ARHGAP32: variants seen among roughly 807,000 people sequenced by gnomAD.
The protein encoded by ARHGAP32 is Rho GTPase activating protein 32.
A neutral mutation model predicts 186.5 loss-of-function variants in ARHGAP32; 51 were observed. The ratio of observed to expected loss-of-function variants is 0.27; its 90% CI spans 0.22 to 0.35. The LOEUF is 0.35. ARHGAP32 is among the 10% of genes least tolerant of loss of function. The probability of loss-of-function intolerance (pLI) is 1.00; values close to 1 mark genes in which losing one functional copy is unlikely to be tolerated. For synonymous variants in ARHGAP32, 950 were observed against 964.3 expected (o/e 0.99, Z 0.27); for missense variants, 2,186 against 2,623.5 (o/e 0.83, Z 3.64).
chr11:129,017,075 C>T (rs1938379898), intron 11 of ARHGAP32, among the ~76,000 whole-genome samples: 1 of 152,172 alleles, frequency 6.6e-6, no homozygotes, highest in South Asian at 2.1e-4. Flanking sequence ...AGTCAGACCT[C>T]TGGGGTTCCA....
chr11:129,084,497 T>A (rs1941319361), intron 6 of ARHGAP32, among the ~76,000 whole-genome samples: 1 of 152,148 alleles, frequency 6.6e-6, no homozygotes, highest in African/African-American at 2.4e-5. Flanking sequence ...CAAGGCTGGT[T>A]CAACATTTGA....
chr11:129,031,178 T>C (rs979637001), intron 11 of ARHGAP32, among the ~76,000 whole-genome samples: 6 of 152,242 alleles, frequency 3.9e-5, no homozygotes, highest in African/African-American at 1.2e-4. Flanking sequence ...TATCAATAAA[T>C]AGTATCTTAA....
intron 11 of ARHGAP32, among the ~76,000 whole-genome samples, chr11:129,034,771 G>T (rs1356141909): frequency 6.9e-6 from 1 of 145,354 alleles, no homozygotes; most frequent in Non-Finnish European, 1.5e-5. Flanking sequence ...GAAAACAGGA[G>T]ATCGTGCCAC....
intron 11 of ARHGAP32, among the ~76,000 whole-genome samples, chr11:129,001,766 C>G (rs1946364903): frequency 6.6e-6 from 1 of 152,052 alleles, no homozygotes; most frequent in African/African-American, 2.4e-5. Context: ...GTCTTCAATC[C>G]ATTTGGACTT....
At chr11:129,177,228 C>A (rs1484982993) in intron 1 of ARHGAP32, among the ~76,000 whole-genome samples, 1 of 152,064 alleles carries the variant, frequency 6.6e-6, no homozygotes, top group Non-Finnish European at 1.5e-5. Flanking sequence ...TCTACCAAGA[C>A]TAAACCAGGA....
chr11:128,979,450 TAAGA>T (rs1945649530), intron 18 of ARHGAP32, among the ~76,000 whole-genome samples: 1 of 152,216 alleles, frequency 6.6e-6, no homozygotes, highest in African/African-American at 2.4e-5. Context: ...ATTATGACAC[TAAGA>T]AGTTCAAATA....
intron 6 of ARHGAP32, among the ~76,000 whole-genome samples, chr11:129,071,369 A>C (rs569844660): frequency 6.6e-6 from 1 of 152,262 alleles, no homozygotes; most frequent in South Asian, 2.1e-4. Context: ...CAGAAAAAAA[A>C]AATAACCCAA....
intron 1 of ARHGAP32, among the ~76,000 whole-genome samples, chr11:129,198,570 C>T (rs1944421212): frequency 6.6e-6 from 1 of 152,122 alleles, no homozygotes; most frequent in Non-Finnish European, 1.5e-5. Flanking sequence ...TCTCTCTTTG[C>T]TGGCTGCCAT....
chr11:129,279,064 G>C (rs1945574343), intron 1 of ARHGAP32: 1 of 147,340 alleles, frequency 6.8e-6, no homozygotes, highest in East Asian at 2.0e-4. Flanking sequence ...TTTTAAGAAG[G>C]AAAGAGAGGC....
intron 1 of ARHGAP32, among the ~76,000 whole-genome samples, chr11:129,264,183 C>G (rs1392765907): frequency 6.6e-6 from 1 of 152,128 alleles, no homozygotes; most frequent in African/African-American, 2.4e-5. Flanking sequence ...TATGGGGTAT[C>G]TAAAGTAGCC....
In ARHGAP32 at chr11:128,980,534, A is replaced by T. The variant is rs751510651; in HGVS notation, c.1976+19T>A. The T allele has an allele frequency of 6.3e-7, 1 of 1,582,094 alleles. No individual in the cohort carries two copies. The highest frequency in any genetic ancestry group is 8.6e-7 in the Non-Finnish European group (1 of 1,160,908). On this transcript the variant is annotated intron_variant, in intron 18 of 22. Coordinates refer to ENST00000682385, the MANE Select transcript of ARHGAP32 (RefSeq NM_001378024.1). ...AGCTATGAAAATCATATCCCAAAAT[A>T]GGATTTAACAAATTTTACCTTTCAA...
chr11:129,216,282 C>A (rs1021771988), intron 1 of ARHGAP32, among the ~76,000 whole-genome samples: 1 of 152,158 alleles, frequency 6.6e-6, no homozygotes, highest in Non-Finnish European at 1.5e-5. Flanking sequence ...GACTACCAGT[C>A]TTTATTCAAA....
chr11:129,118,233 T>G (rs1394500820), intron 5 of ARHGAP32, among the ~76,000 whole-genome samples: 1 of 152,034 alleles, frequency 6.6e-6, no homozygotes, highest in Non-Finnish European at 1.5e-5. Context: ...TGTTGTGTAA[T>G]ATTAATATTT....
rs187165830 is a variant in ARHGAP32 at position 128,985,014 on chromosome 11, A to G, written c.1526+989T>C. Among the ~76,000 whole-genome samples the G allele has an allele frequency of 1.3e-3, 205 of 152,216 alleles. 3 individuals carry two copies. Among genetic ancestry groups the G allele is most frequent in the African/African-American group, 4.7e-3 (194 of 41,562 alleles). ...GGTGCAAAGGTGATAAACATTAAACAGAAACCACAATTAGAATTTTTTTTT... is the reference window on the plus strand; with the variant it reads ...GGTGCAAAGGTGATAAACATTAAACGGAAACCACAATTAGAATTTTTTTTT... On this transcript the variant is annotated intron_variant, in intron 15 of 22. Coordinates refer to ENST00000682385, the MANE Select transcript of ARHGAP32 (RefSeq NM_001378024.1).
At chr11:129,131,711 G>A (rs1249695921) in intron 2 of ARHGAP32, among the ~76,000 whole-genome samples, 2 of 152,152 alleles carry the variant, frequency 1.3e-5, no homozygotes, top group Non-Finnish European at 2.9e-5. Context: ...CATGAGATTT[G>A]GATGGGCCCA....
rs1945501572 is a variant in ARHGAP32 at position 128,974,970 on chromosome 11, T to C, written c.2227A>G (p.Arg743Gly). ...DSKLFRPRRP[R>G]SSSDALSASF... is the part of the protein sequence containing the mutation. The stretch of plus-strand genomic sequence containing the variant: ...GCAGACAGTGCATCACTGGAAGATC[T>C]GGGTCTTCTGGGTCGGAAGAGCTTA... The change falls in exon 21 of 23, where the codon AGA becomes GGA. Residue 743 changes from arginine to glycine, a missense_variant. Physicochemically the swap from Arg to Gly is moderately radical, Grantham distance 125. This residue lies in a region of ARHGAP32 where 263 missense variants were observed against 323.5 expected (regional missense o/e 0.81). Coordinates refer to ENST00000682385, the MANE Select transcript of ARHGAP32 (RefSeq NM_001378024.1). The C allele has an allele frequency of 6.2e-7, 1 of 1,610,636 alleles. No homozygotes were observed. The highest frequency in any genetic ancestry group is 1.3e-5 in the African/African-American group (1 of 74,940).
At chr11:129,153,331 T>C (rs1943330851) in intron 2 of ARHGAP32, among the ~76,000 whole-genome samples, 1 of 152,078 alleles carries the variant, frequency 6.6e-6, no homozygotes, top group Non-Finnish European at 1.5e-5. Flanking sequence ...ACAGATTCAA[T>C]GCAATTCCCA....
upstream of ARHGAP32, among the ~76,000 whole-genome samples, chr11:129,193,530 T>C (rs1385172432): frequency 1.6e-5 from 1 of 63,994 alleles, no homozygotes; most frequent in Non-Finnish European, 2.9e-5. Flanking sequence ...CTAGAGCATA[T>C]AATATATATA....
intron 1 of ARHGAP32, among the ~76,000 whole-genome samples, chr11:129,207,441 T>C (rs956595920): frequency 6.6e-6 from 1 of 152,252 alleles, no homozygotes; most frequent in South Asian, 2.1e-4. Context: ...CTAACTAGCA[T>C]GAGATGGTAT....
Sources: gnomAD v4.1 joint callset for allele counts (sites outside exome capture counted in the v4.1 genomes callset) on GRCh38, gnomAD v4.1.1 for gene constraint, gnomAD v4.1.1 regional missense constraint, MANE v1.5 for transcripts, NCBI Gene and HGNC (gene_info 2026-07-23, HGNC 2026-07-21) for gene names.